Variants in TENM3 observed in about 807,000 individuals in gnomAD.
TENM3 encodes the protein teneurin-3.
Under a neutral mutation model 255.1 loss-of-function variants are expected in TENM3, and 63 were observed. The observed-to-expected ratio is 0.25, with a 90% confidence interval of 0.20 to 0.30. The LOEUF (loss-of-function observed/expected upper bound fraction) is 0.30, where lower values mean the gene tolerates loss of function less well. Among genes scored for constraint, TENM3 ranks in the 10% least tolerant of loss-of-function variants. TENM3 has a pLI of 1.00. For synonymous variants in TENM3, 1,306 were observed against 1,322.3 expected (o/e 0.99, Z 0.27); for missense variants, 2,929 against 3,461.1 (o/e 0.85, Z 3.86).
the TENM3 span, among the ~76,000 whole-genome samples, chr4:182,113,777 T>C: frequency 6.6e-6 from 1 of 152,016 alleles, no homozygotes; most frequent in African/African-American, 2.4e-5. Flanking sequence ...TAATTAAAGA[T>C]TTTTACTTTG....
In TENM3 at chr4:182,600,922, A is replaced by G; in HGVS notation, c.512-2A>G. On this transcript the variant is annotated splice_acceptor_variant, in intron 3 of 27. Coordinates refer to ENST00000511685, the MANE Select transcript of TENM3 (RefSeq NM_001080477.4). LOFTEE classifies it high-confidence loss of function. Reference sequence around the variant, plus strand: ...CTTTTTTTTTTTTTTTTTTTTTTTCAGAGCAACCTGCAAGCAATCAAGGCC... The same window carrying G: ...CTTTTTTTTTTTTTTTTTTTTTTTCGGAGCAACCTGCAAGCAATCAAGGCC... 1.1e-6 allele frequency: 1 copy of G among 946,386 alleles called. No individual in the cohort carries two copies. The highest frequency in any genetic ancestry group is 1.4e-6 in the Non-Finnish European group (1 of 708,830). The allele number at this position is 946,386 out of a possible 1,614,324, so 58.6% of individuals were successfully genotyped here.
At chr4:181,788,983 A>G in the TENM3 span, among the ~76,000 whole-genome samples, 1 of 152,118 alleles carries the variant, frequency 6.6e-6, no homozygotes, top group East Asian at 1.9e-4. Flanking sequence ...AACTCCAACC[A>G]TTGCTAATTT....
At chr4:182,635,549 C>G in intron 5 of TENM3, among the ~76,000 whole-genome samples, 1 of 152,080 alleles carries the variant, frequency 6.6e-6, no homozygotes, top group East Asian at 1.9e-4. Flanking sequence ...AAACAAATAA[C>G]TCAGCTTTGT....
the TENM3 span, among the ~76,000 whole-genome samples, chr4:181,813,167 C>T: frequency 6.6e-6 from 1 of 152,328 alleles, no homozygotes; most frequent in South Asian, 2.1e-4. Context: ...TCACTGTCAC[C>T]TCACACAATG....
At chr4:181,564,803 G>A in the TENM3 span, among the ~76,000 whole-genome samples, 15 of 152,080 alleles carry the variant, frequency 9.9e-5, no homozygotes, top group Admixed American at 5.9e-4. Flanking sequence ...TACATAAGCC[G>A]CAGTATCCTG....
the TENM3 span, among the ~76,000 whole-genome samples, chr4:181,631,296 GTTT>G: frequency 2.1e-5 from 3 of 144,398 alleles, no homozygotes; most frequent in African/African-American, 7.6e-5. Context: ...GTTCTTTTTT[GTTT>G]TTTTTTTTAG....
the TENM3 span, among the ~76,000 whole-genome samples, chr4:181,778,658 T>C: frequency 0.063 from 9,528 of 152,154 alleles, 606 homozygotes; most frequent in African/African-American, 0.16. Context: ...GCTCAGACAT[T>C]CTTAGCAAGG....
At position 182,773,567 on chromosome 4, in the gene TENM3, T is replaced by A; in HGVS notation, c.4988T>A (p.Ile1663Asn). 1 of 1,613,892 alleles carries A rather than the reference T, an allele frequency of 6.2e-7. No individual in the cohort carries two copies. Among genetic ancestry groups the A allele is most frequent in the African/African-American group, 1.3e-5 (1 of 75,050 alleles). The change falls in exon 23 of 28, where the codon ATT becomes AAT. Residue 1663 changes from isoleucine (I) to asparagine (N), a missense_variant. This residue lies in a region of TENM3 where 1,608 missense variants were observed against 1,884.4 expected (regional missense o/e 0.85). Transcript: ENST00000511685. ...ATGGACAAGGCTATCACAGTGGACA[T>A]TGAGTCATCTAGCCGAGAAGAAGAT... ...GDMDKAITVDIESSSREEDVS... is the reference protein window; with the variant it reads ...GDMDKAITVDNESSSREEDVS...
chr4:181,617,601 G>T, the TENM3 span, among the ~76,000 whole-genome samples: 2,746 of 152,240 alleles, frequency 0.018, 82 homozygotes, highest in African/African-American at 0.062. Context: ...GTCTACCATG[G>T]TGATTAGTTG....
At chr4:182,257,596 TC>T (rs1294960106) in intron 1 of TENM3, among the ~76,000 whole-genome samples, 12 of 152,174 alleles carry the variant, frequency 7.9e-5, no homozygotes, top group Non-Finnish European at 1.5e-4. Context: ...AGGATGCATT[TC>T]TGTGGCTTTA....
chr4:182,457,556 A>ATT (rs1313518502), intron 3 of TENM3, among the ~76,000 whole-genome samples: 574 of 38,980 alleles, frequency 0.015, 7 homozygotes, highest in African/African-American at 0.033. Flanking sequence ...AATCATGTAT[A>ATT]TCTTTTTTTT....
intron 3 of TENM3, among the ~76,000 whole-genome samples, chr4:182,395,825 C>T (rs1351206891): frequency 6.6e-6 from 1 of 152,118 alleles, no homozygotes; most frequent in Non-Finnish European, 1.5e-5. Flanking sequence ...ATTTTTCGCT[C>T]TGCTCTGAAA....
At chr4:181,761,017 G>A in the TENM3 span, among the ~76,000 whole-genome samples, 10 of 64,272 alleles carry the variant, frequency 1.6e-4, no homozygotes, top group East Asian at 5.7e-4. Flanking sequence ...CACACACCCC[G>A]AATAATCATT....
chr4:181,502,202 A>G, the TENM3 span, among the ~76,000 whole-genome samples: 22 of 152,250 alleles, frequency 1.4e-4, no homozygotes, highest in Non-Finnish European at 2.5e-4. Context: ...AGGCCATTAT[A>G]TATTGGTCAA....
chr4:182,725,636 CT>C (rs5864795), intron 13 of TENM3, among the ~76,000 whole-genome samples: 1 of 133,664 alleles, frequency 7.5e-6, no homozygotes, highest in Non-Finnish European at 1.5e-5. Flanking sequence ...TCTTTTTTTT[CT>C]TTTTTTTTTT....
chr4:181,930,018 A>T, the TENM3 span, among the ~76,000 whole-genome samples: 1 of 152,214 alleles, frequency 6.6e-6, no homozygotes, highest in Non-Finnish European at 1.5e-5. Flanking sequence ...GAACAGAGCT[A>T]AAGCAGTGTT....
the TENM3 span, among the ~76,000 whole-genome samples, chr4:181,757,611 G>A: frequency 6.6e-6 from 1 of 152,126 alleles, no homozygotes; most frequent in Admixed American, 6.5e-5. Flanking sequence ...TAACAAGCTG[G>A]TGTACGCGAC....
the TENM3 span, among the ~76,000 whole-genome samples, chr4:181,974,089 G>T: frequency 1.3e-5 from 2 of 152,224 alleles, no homozygotes. Context: ...AGACAGACCA[G>T]TGGGGAGCCA....
intron 4 of TENM3, among the ~76,000 whole-genome samples, chr4:182,613,810 G>GT (rs1749229086): frequency 6.6e-6 from 1 of 152,132 alleles, no homozygotes; most frequent in South Asian, 2.1e-4. Context: ...ATGTAAAATA[G>GT]TAAAACCAGT....
Sources: allele counts gnomAD v4.1 joint callset (sites outside exome capture counted in the v4.1 genomes callset), GRCh38; gene constraint gnomAD v4.1.1; regional missense constraint gnomAD v4.1.1; transcripts MANE v1.5; gene names NCBI Gene and HGNC (gene_info 2026-07-23, HGNC 2026-07-21).